The following CERS3 variants were observed in gnomAD, a reference collection of about 807,000 sequenced individuals.
CERS3 encodes LAG1 homolog, ceramide synthase 3.
In CERS3, 33 loss-of-function variants were observed where a neutral mutation model predicts 50.3. The ratio of observed to expected loss-of-function variants is 0.66; its 90% confidence interval spans 0.50 to 0.88. CERS3 has a LOEUF of 0.88. Among genes scored for constraint, CERS3 ranks in the 40% least tolerant of loss-of-function variants. The pLI is 0.00. For missense variants in CERS3, 470 were observed against 460.3 expected (o/e 1.02, Z -0.19); for synonymous variants, 176 against 155.2 (o/e 1.13, Z -0.99).
At chr15:100,494,946 C>A (rs1270488371) in intron 3 of CERS3, among the ~76,000 whole-genome samples, 1 of 152,178 alleles carries the variant, frequency 6.6e-6, no homozygotes, top group Non-Finnish European at 1.5e-5. Context: ...TCCTTTAAAG[C>A]TTTTTGGTCA....
chr15:100,445,960 T>A (rs1338566953), intron 11 of CERS3, among the ~76,000 whole-genome samples: 2 of 152,202 alleles, frequency 1.3e-5, no homozygotes, highest in Middle Eastern at 3.2e-3. Flanking sequence ...GTGAAATTCC[T>A]TCTCCTGGCT....
chr15:100,406,562 A>C (rs112960678), intron 11 of CERS3, among the ~76,000 whole-genome samples: 101 of 152,296 alleles, frequency 6.6e-4, no homozygotes, highest in African/African-American at 2.4e-3. Flanking sequence ...GGGTGTCAAA[A>C]TGAACAAGCC....
chr15:100,408,141 G>A (rs2031207369), intron 11 of CERS3, among the ~76,000 whole-genome samples: 1 of 152,154 alleles, frequency 6.6e-6, no homozygotes, highest in Admixed American at 6.5e-5. Context: ...CAAAGTGCTG[G>A]GATTACAGGT....
At chr15:100,494,526 C>T (rs1348921643) in intron 3 of CERS3, among the ~76,000 whole-genome samples, 2 of 151,942 alleles carry the variant, frequency 1.3e-5, no homozygotes, top group Non-Finnish European at 2.9e-5. Flanking sequence ...GGATTACAGA[C>T]GTGAGGCTTA....
intron 11 of CERS3, among the ~76,000 whole-genome samples, chr15:100,416,401 A>C (rs1489077662): frequency 2.0e-5 from 3 of 152,248 alleles, no homozygotes; most frequent in African/African-American, 7.2e-5. Flanking sequence ...CCTATTCAGT[A>C]AACAGTGCTG....
intron 11 of CERS3, among the ~76,000 whole-genome samples, chr15:100,425,010 C>A (rs528142250): frequency 7.5e-6 from 1 of 132,872 alleles, no homozygotes; most frequent in Non-Finnish European, 1.7e-5. Context: ...AAAACCTTGG[C>A]GGCTTCCATA....
intron 3 of CERS3, among the ~76,000 whole-genome samples, chr15:100,499,868 AC>A (rs2035945879): frequency 6.6e-6 from 1 of 152,176 alleles, no homozygotes; most frequent in African/African-American, 2.4e-5. Flanking sequence ...TAAAAAACCA[AC>A]AACCCTAAAC....
chr15:100,439,047 C>T (rs955158637), intron 11 of CERS3, among the ~76,000 whole-genome samples: 1 of 152,132 alleles, frequency 6.6e-6, no homozygotes, highest in Non-Finnish European at 1.5e-5. Flanking sequence ...GCTAGTAGCT[C>T]ATCACAAAAT....
intron 2 of CERS3, among the ~76,000 whole-genome samples, chr15:100,514,217 T>C (rs1296861449): frequency 1.3e-5 from 2 of 152,220 alleles, no homozygotes; most frequent in African/African-American, 4.8e-5. Flanking sequence ...TTATTTCATG[T>C]CTGTTAAATG....
chr15:100,533,562 C>CTTTTTTT (rs59483467), upstream of CERS3, among the ~76,000 whole-genome samples: 1 of 112,420 alleles, frequency 8.9e-6, no homozygotes, highest in African/African-American at 3.5e-5. Context: ...CCCTCTCTCT[C>CTTTTTTT]TTTTTTTTTT....
At chr15:100,409,303 C>G (rs555814905) in intron 11 of CERS3, among the ~76,000 whole-genome samples, 1 of 152,276 alleles carries the variant, frequency 6.6e-6, no homozygotes, top group East Asian at 1.9e-4. Context: ...GTTCTACATT[C>G]TATTTCATTT....
chr15:100,418,169 GT>G (rs1247337235), intron 11 of CERS3, among the ~76,000 whole-genome samples: 1 of 151,942 alleles, frequency 6.6e-6, no homozygotes, highest in Non-Finnish European at 1.5e-5. Context: ...AGGCAAAGAA[GT>G]TGAAAACTTT....
intron 11 of CERS3, among the ~76,000 whole-genome samples, chr15:100,431,501 T>A (rs1359140816): frequency 6.6e-6 from 1 of 152,196 alleles, no homozygotes; most frequent in Non-Finnish European, 1.5e-5. Flanking sequence ...AGTCCACTAA[T>A]TTTGTAATAT....
chr15:100,530,177 C>G (rs2036903704), upstream of CERS3, among the ~76,000 whole-genome samples: 1 of 152,228 alleles, frequency 6.6e-6, no homozygotes, highest in Non-Finnish European at 1.5e-5. Flanking sequence ...TCAGGTCTGC[C>G]TCACCTTCTG....
chr15:100,527,876 CT>C (rs1161879089), intron 1 of CERS3, among the ~76,000 whole-genome samples: 2 of 55,536 alleles, frequency 3.6e-5, no homozygotes, highest in African/African-American at 4.4e-5. Context: ...CATATTTTCT[CT>C]TTAAAGAACT....
At chr15:100,430,407 C>A (rs763266849) in intron 11 of CERS3, among the ~76,000 whole-genome samples, 1 of 152,178 alleles carries the variant, frequency 6.6e-6, no homozygotes, top group Non-Finnish European at 1.5e-5. Context: ...AGATAAAATG[C>A]TCATTTGAAC....
chr15:100,453,297 A>G (rs2034238804), intron 11 of CERS3, among the ~76,000 whole-genome samples: 1 of 152,174 alleles, frequency 6.6e-6, no homozygotes. Context: ...AAAAGATAAC[A>G]TACCATGGCC....
At chr15:100,539,966 TC>T (rs1473994184) in intron 1 of CERS3, among the ~76,000 whole-genome samples, 7 of 152,156 alleles carry the variant, frequency 4.6e-5, no homozygotes, top group African/African-American at 1.4e-4. Context: ...CCAAGTAATC[TC>T]AAAACACAGC....
At chr15:100,457,568 T>C (rs1052616936) in intron 10 of CERS3, among the ~76,000 whole-genome samples, 1 of 152,238 alleles carries the variant, frequency 6.6e-6, no homozygotes, top group African/African-American at 2.4e-5. Flanking sequence ...TTTTTTTACC[T>C]ACTGAGGAGC....
Sources: allele counts gnomAD v4.1 joint callset (sites outside exome capture counted in the v4.1 genomes callset), GRCh38; gene constraint gnomAD v4.1.1; transcripts MANE v1.5; gene names NCBI Gene and HGNC (gene_info 2026-07-23, HGNC 2026-07-21).